The following FOXO1 variants were observed in gnomAD, a reference collection of about 807,000 sequenced individuals.
The protein encoded by FOXO1 is forkhead box O1.
A neutral mutation model predicts 44.1 loss-of-function variants in FOXO1; 6 were observed. The observed-to-expected ratio is 0.14, with a 90% CI of 0.07 to 0.27. The LOEUF (loss-of-function observed/expected upper bound fraction) is 0.27. FOXO1 is among the 10% of genes least tolerant of loss of function. The pLI, the probability that FOXO1 is intolerant of heterozygous loss-of-function variation, is 1.00. For synonymous variants in FOXO1, 380 were observed against 362.7 expected, an observed-to-expected ratio of 1.05 and a Z score of -0.54; for missense variants, 737 against 888.8, an observed-to-expected ratio of 0.83 and a Z score of 2.17.
In FOXO1 at chr13:40,559,969, C is replaced by T. The variant is rs759110513; in HGVS notation, c.1522G>A (p.Gly508Ser). 3.7e-6 allele frequency: 6 copies of T among 1,614,124 alleles called. No individual in the cohort carries two copies. The Admixed American group carries it at 1.0e-4, about 27-fold the overall frequency. ...ATTTTGTTATGAGATGCCTGGCTGC[C>T]ATAGGTTGACATGACCGAATTAGGG... is the stretch of plus-strand genomic sequence containing the variant. ...MGPNSVMSTY[G>S]SQASHNKMMN... The change falls in exon 2 of 3, where the codon GGC becomes AGC. Residue 508 changes from glycine (G) to serine (S), a missense_variant. Gly to Ser is a moderately conservative substitution (Grantham distance 56, BLOSUM62 0). Transcript: ENST00000379561.
chr13:40,655,785 G>C (rs9566557), intron 1 of FOXO1, among the ~76,000 whole-genome samples: 20 of 151,756 alleles, frequency 1.3e-4, no homozygotes, highest in Non-Finnish European at 2.5e-4. Context: ...AGGGACCACA[G>C]GCATGCACCA....
At position 40,559,044 on chromosome 13, in the gene FOXO1, A is replaced by C. The variant is rs1454459479; in HGVS notation, c.*15-10T>G. 1 of 398,082 alleles carries C rather than the reference A, an allele frequency of 2.5e-6. No individual in the cohort carries two copies. Among genetic ancestry groups the C allele is most frequent in the Non-Finnish European group, 4.4e-6 (1 of 225,896 alleles). The allele number at this position is 398,082 out of a possible 1,614,324, so 24.7% of individuals were successfully genotyped here. A position where few individuals can be genotyped will look rare whatever the true frequency, so the allele number is the denominator to read the frequency against. On this transcript the variant is annotated splice_polypyrimidine_tract_variant and intron_variant, in intron 2 of 2. Transcript: ENST00000379561. Reference sequence around the variant, plus strand: ...TACTTTTAAGTGTAACCTAGGAAAAAACACATACATACGCACACACACATA... The same window carrying C: ...TACTTTTAAGTGTAACCTAGGAAAACACACATACATACGCACACACACATA...
intron 1 of FOXO1, among the ~76,000 whole-genome samples, chr13:40,645,285 T>A (rs1422825913): frequency 6.6e-6 from 1 of 152,212 alleles, no homozygotes; most frequent in Non-Finnish European, 1.5e-5. Context: ...AAGGTCCTAT[T>A]TACCAGAACA....
chr13:40,635,814 G>A (rs143303286), intron 1 of FOXO1, among the ~76,000 whole-genome samples: 2,504 of 152,280 alleles, frequency 0.016, 70 homozygotes, highest in African/African-American at 0.054. Flanking sequence ...TTCTGGGGAC[G>A]TGACAGAGGT....
chr13:40,575,153 G>A (rs1263454920), intron 1 of FOXO1, among the ~76,000 whole-genome samples: 1 of 151,656 alleles, frequency 6.6e-6, no homozygotes, highest in East Asian at 1.9e-4. Flanking sequence ...GCAACACAAT[G>A]AGACCATCCT....
chr13:40,596,734 G>A (rs964312149), intron 1 of FOXO1, among the ~76,000 whole-genome samples: 3 of 152,256 alleles, frequency 2.0e-5, no homozygotes, highest in Non-Finnish European at 4.4e-5. Flanking sequence ...CAATGAAAAC[G>A]GAAGTTCCAT....
chr13:40,664,646 C>G (rs116113914), intron 1 of FOXO1, among the ~76,000 whole-genome samples: 1,533 of 152,332 alleles, frequency 0.01, 34 homozygotes, highest in African/African-American at 0.035. Flanking sequence ...CAGCCCCCGG[C>G]CCCTCAGGGC....
intron 1 of FOXO1, chr13:40,621,231 C>A: frequency 1.4e-6 from 1 of 732,364 alleles, no homozygotes; most frequent in East Asian, 4.8e-5. Context: ...CAAGCTCAGG[C>A]AATTACCTTG....
At position 40,666,278 on chromosome 13, in the gene FOXO1, G is replaced by C; in HGVS notation, c.-66C>G. On this transcript the variant is annotated 5_prime_UTR_variant, in exon 1 of 3. Coordinates refer to ENST00000379561, the MANE Select transcript of FOXO1 (RefSeq NM_002015.4). ...GGGGGAGAACGCAGCACTGGGGGCG[G>C]ACGGGGAGGGGGCGCGAAGGGACGG... is the stretch of plus-strand genomic sequence containing the variant. 1 of 1,277,568 alleles carries C rather than the reference G, an allele frequency of 7.8e-7. No individual in the cohort carries two copies. Among genetic ancestry groups the C allele is most frequent in the Non-Finnish European group, 1.0e-6 (1 of 998,824 alleles). The allele number at this position is 1,277,568 out of a possible 1,614,324, so 79.1% of individuals were successfully genotyped here. A position where few individuals can be genotyped will look rare whatever the true frequency, so the allele number is the denominator to read the frequency against.
intron 1 of FOXO1, among the ~76,000 whole-genome samples, chr13:40,590,420 GCTTT>G (rs1468150753): frequency 6.6e-6 from 1 of 152,164 alleles, no homozygotes; most frequent in Non-Finnish European, 1.5e-5. Context: ...CCCCAAAATA[GCTTT>G]CTTTCCAAAA....
At chr13:40,641,543 T>C (rs75772229) in intron 1 of FOXO1, among the ~76,000 whole-genome samples, 2 of 152,156 alleles carry the variant, frequency 1.3e-5, no homozygotes, top group Admixed American at 6.6e-5. Flanking sequence ...TTCTGTTAAT[T>C]AACTGATTAT....
At chr13:40,640,679 T>G (rs1877317996) in intron 1 of FOXO1, among the ~76,000 whole-genome samples, 1 of 152,234 alleles carries the variant, frequency 6.6e-6, no homozygotes, top group South Asian at 2.1e-4. Flanking sequence ...AACTAAAGTA[T>G]CAGTAGCCTT....
At chr13:40,588,443 C>T (rs1875252685) in intron 1 of FOXO1, among the ~76,000 whole-genome samples, 1 of 152,072 alleles carries the variant, frequency 6.6e-6, no homozygotes, top group Non-Finnish European at 1.5e-5. Flanking sequence ...GCGGTTAAAC[C>T]CTCCATAACC....
chr13:40,584,949 T>C (rs983244378), intron 1 of FOXO1, among the ~76,000 whole-genome samples: 2 of 152,240 alleles, frequency 1.3e-5, no homozygotes, highest in African/African-American at 2.4e-5. Context: ...TTTTCAGTTC[T>C]ACTATTCTAA....
chr13:40,608,448 T>C (rs1466892815), intron 1 of FOXO1, among the ~76,000 whole-genome samples: 1 of 152,190 alleles, frequency 6.6e-6, no homozygotes, highest in Admixed American at 6.5e-5. Flanking sequence ...GGGAATCTCA[T>C]ACATGTGAGC....
At position 40,665,903 on chromosome 13, in the gene FOXO1, C is replaced by T. The variant is rs1878225143; in HGVS notation, c.310G>A (p.Gly104Arg). ...CCCTGGAAGTCCCCGCACAGCCCCC[C>T]GGTGGCGGCCGCGGCGGCCGCCGCC... ...VAAAAAAAAT[G>R]GLCGDFQGPE... The change falls in exon 1 of 3, where the codon GGG (glycine) becomes AGG (arginine). Residue 104 changes from glycine (G) to arginine (R), a missense_variant. Physicochemically the swap from Gly to Arg is moderately radical, Grantham distance 125 (BLOSUM62 -2). Coordinates refer to ENST00000379561, the MANE Select transcript of FOXO1 (RefSeq NM_002015.4). 2 of 1,174,362 alleles carry T rather than the reference C, an allele frequency of 1.7e-6. No individual in the cohort carries two copies. Among genetic ancestry groups the T allele is most frequent in the Admixed American group, 4.7e-5 (1 of 21,358 alleles). 72.7% of individuals were successfully genotyped at this position (1,174,362 alleles called of 1,614,324 possible).
chr13:40,622,115 CA>C (rs1876634686), intron 1 of FOXO1, among the ~76,000 whole-genome samples: 1 of 152,156 alleles, frequency 6.6e-6, no homozygotes, highest in East Asian at 1.9e-4. Flanking sequence ...TTAGGACATA[CA>C]GGTTATTTAA....
chr13:40,610,693 T>G (rs1375739267), intron 1 of FOXO1, among the ~76,000 whole-genome samples: 1 of 152,208 alleles, frequency 6.6e-6, no homozygotes, highest in Non-Finnish European at 1.5e-5. Flanking sequence ...TTAACAAAGC[T>G]CTATACTACA....
At chr13:40,598,256 C>G (rs1275686611) in intron 1 of FOXO1, among the ~76,000 whole-genome samples, 5 of 152,096 alleles carry the variant, frequency 3.3e-5, no homozygotes, top group Non-Finnish European at 7.4e-5. Flanking sequence ...GCAACTTTGT[C>G]AAGTATGATG....
Sources: gnomAD v4.1 joint callset for allele counts (sites outside exome capture counted in the v4.1 genomes callset) on GRCh38, gnomAD v4.1.1 for gene constraint, MANE v1.5 for transcripts, NCBI Gene and HGNC (gene_info 2026-07-23, HGNC 2026-07-21) for gene names.